Variants in ARID3B observed in about 807,000 individuals in gnomAD.
ARID3B encodes the protein AT-rich interaction domain 3B, also known as AT-rich interactive domain-containing protein 3B.
Under a neutral mutation model 51.9 loss-of-function variants are expected in ARID3B, and 10 were observed. That is an observed-to-expected ratio of 0.19 (90% confidence interval 0.12 to 0.33). ARID3B has a LOEUF of 0.33. Ranked by LOEUF, ARID3B falls within the 10% of genes least tolerant of loss-of-function variation. The pLI is 1.00. For synonymous variants in ARID3B, 205 were observed against 279.5 expected (o/e 0.73, Z 2.66); for missense variants, 483 against 716.3 (o/e 0.67, Z 3.72).
At chr15:74,570,130 A>T (rs1464474335) in intron 2 of ARID3B, among the ~76,000 whole-genome samples, 3 of 152,074 alleles carry the variant, frequency 2.0e-5, no homozygotes. Flanking sequence ...AGTGGGTCAC[A>T]CTTAGTGGGC....
intron 1 of ARID3B, among the ~76,000 whole-genome samples, chr15:74,543,389 T>C (rs1018592350): frequency 9.9e-5 from 15 of 152,230 alleles, no homozygotes; most frequent in African/African-American, 3.4e-4. Context: ...ATCTTTCTCC[T>C]GTGGGCTTGG....
chr15:74,594,234 G>C (rs1305620733), intron 8 of ARID3B, among the ~76,000 whole-genome samples: 4 of 152,170 alleles, frequency 2.6e-5, no homozygotes, highest in Non-Finnish European at 5.9e-5. Context: ...GGATCACGAA[G>C]TCAGGATATC....
At chr15:74,590,380 G>T (rs1369086559) in intron 5 of ARID3B, among the ~76,000 whole-genome samples, 1 of 152,212 alleles carries the variant, frequency 6.6e-6, no homozygotes, top group Non-Finnish European at 1.5e-5. Flanking sequence ...TCTAAGACCT[G>T]TGCCCCTTCC....
intron 4 of ARID3B, among the ~76,000 whole-genome samples, chr15:74,585,639 AT>A (rs766106328): frequency 2.0e-5 from 3 of 152,242 alleles, no homozygotes; most frequent in South Asian, 2.1e-4. Flanking sequence ...AGAACTGAAA[AT>A]CATCTAGTCC....
Position 74,591,901 on chromosome 15 carries a change from A to G in ARID3B, c.1420+87A>G. 1.9e-6 allele frequency: 3 copies of G among 1,546,326 alleles called. No individual in the cohort carries two copies. The highest frequency in any genetic ancestry group is 2.5e-5 in the South Asian group (2 of 80,512). On this transcript the variant is annotated intron_variant, in intron 7 of 8. Coordinates refer to ENST00000346246, the MANE Select transcript of ARID3B (RefSeq NM_006465.4). This position sits in a 1 kb window ranked among gnomAD's most constrained non-coding sequence, Gnocchi z 5.8. ...TGGGACTGGTGGGGCAGGGGTGGTG[A>G]GGCACATACTCCTGACCTGGAAGAG...
chr15:74,591,292 T>G lies in ARID3B; in HGVS notation c.1023T>G (p.Ala341=). 6.2e-7 allele frequency: 1 copy of G among 1,613,562 alleles called. No individual in the cohort carries two copies. The highest frequency in any genetic ancestry group is 2.2e-5 in the East Asian group (1 of 44,882). The stretch of plus-strand genomic sequence containing the variant: ...CCTCCCTCTTTGGCTACTCACCTGC[T>G]GCGGCTACTGCTGCTGCCGCTGCCG... ...YSSSLFGYSP[A]AATAAAAAGA... The change falls in exon 6 of 9, where the codon GCT becomes GCG. Residue 341 remains alanine, a synonymous_variant. Coordinates refer to ENST00000346246, the MANE Select transcript of ARID3B (RefSeq NM_006465.4). The surrounding 1 kb of genome is among the most constrained non-coding windows in gnomAD (Gnocchi z 5.8).
intron 2 of ARID3B, among the ~76,000 whole-genome samples, chr15:74,546,548 TG>T (rs1487729827): frequency 1.3e-5 from 2 of 152,228 alleles, no homozygotes; most frequent in Non-Finnish European, 1.5e-5. Context: ...TGTGCACACG[TG>T]TGCACCGTGG....
At chr15:74,557,203 C>T (rs2061661859) in intron 2 of ARID3B, among the ~76,000 whole-genome samples, 1 of 151,522 alleles carries the variant, frequency 6.6e-6, no homozygotes, top group South Asian at 2.1e-4. Flanking sequence ...TTGCTTGAGC[C>T]CAGGAGATCA....
rs1403640250 is a variant in ARID3B at position 74,573,539 on chromosome 15, G to A, written c.697+335G>A. On this transcript the variant is annotated intron_variant, in intron 4 of 8. Transcript: ENST00000346246. ...CCCTGGACTTCACTTAATCTAGCATGTGGGCCTTCTTGTTGGCATATCTAG... is the reference window on the plus strand; with the variant it reads ...CCCTGGACTTCACTTAATCTAGCATATGGGCCTTCTTGTTGGCATATCTAG... 1.2e-5 allele frequency: 4 copies of A among 326,900 alleles called. No homozygotes were observed. The East Asian group carries it at 2.5e-4, about 21-fold the overall frequency. 20.2% of individuals were successfully genotyped at this position (326,900 alleles called of 1,614,324 possible).
intron 2 of ARID3B, among the ~76,000 whole-genome samples, chr15:74,547,107 C>T (rs2061618601): frequency 6.6e-6 from 1 of 152,036 alleles, no homozygotes; most frequent in Non-Finnish European, 1.5e-5. Context: ...ATATCCCTTG[C>T]TCCAGCAACA....
In ARID3B at chr15:74,595,862, A is replaced by G; in HGVS notation, c.*88A>G. ...GAATTTACCTCATCTCACAGAGCCC[A>G]CGTCGACGAGCACCATTTGGCCAGA... On this transcript the variant is annotated 3_prime_UTR_variant, in exon 9 of 9. Coordinates refer to ENST00000346246, the MANE Select transcript of ARID3B (RefSeq NM_006465.4). 3.6e-6 allele frequency: 5 copies of G among 1,389,434 alleles called. No homozygotes were observed. Among genetic ancestry groups the G allele is most frequent in the Non-Finnish European group, 4.8e-6 (5 of 1,032,864 alleles). 86.1% of individuals were successfully genotyped at this position (1,389,434 alleles called of 1,614,324 possible). A position where few individuals can be genotyped will look rare whatever the true frequency, so the allele number is the denominator to read the frequency against.
intron 2 of ARID3B, among the ~76,000 whole-genome samples, chr15:74,558,968 C>T (rs1311345731): frequency 2.0e-5 from 3 of 152,196 alleles, no homozygotes; most frequent in African/African-American, 7.2e-5. Flanking sequence ...GAGTCCCCTG[C>T]CAGATGGCAC....
In ARID3B at chr15:74,597,902, A is replaced by G; in HGVS notation, c.*2128A>G. The G allele has an allele frequency of 1.9e-6, 1 of 529,660 alleles. No homozygotes were observed. The allele number at this position is 529,660 out of a possible 1,614,324, so 32.8% of individuals were successfully genotyped here. A position where few individuals can be genotyped will look rare whatever the true frequency, so the allele number is the denominator to read the frequency against. ...GCCCCCACGAGTGGGGCCTTGGCCC[A>G]AGCAGAGCTTCCCCTGAAGGTGCCA... On this transcript the variant is annotated 3_prime_UTR_variant, in exon 9 of 9. Coordinates refer to ENST00000346246, the MANE Select transcript of ARID3B (RefSeq NM_006465.4).
intron 2 of ARID3B, among the ~76,000 whole-genome samples, chr15:74,570,621 C>T (rs931669663): frequency 6.6e-6 from 1 of 152,118 alleles, no homozygotes; most frequent in Admixed American, 6.6e-5. Context: ...ATAACAGAAG[C>T]GGCAATGATC....
Position 74,597,748 on chromosome 15 carries a change from T to A in ARID3B, c.*1974T>A, listed in dbSNP as rs1325816532. 13 of 462,918 alleles carry A rather than the reference T, an allele frequency of 2.8e-5. No homozygotes were observed. The highest frequency in any genetic ancestry group is 4.6e-5 in the Non-Finnish European group (11 of 240,414). The allele number at this position is 462,918 out of a possible 1,614,324, so 28.7% of individuals were successfully genotyped here. ...GGATGCAGGGAAAGCACACTGTGTC[T>A]TTCCGGTCATTGGATCCTCTCCCTT... On this transcript the variant is annotated 3_prime_UTR_variant, in exon 9 of 9. Coordinates refer to ENST00000346246, the MANE Select transcript of ARID3B (RefSeq NM_006465.4).
At chr15:74,546,352 C>T (rs1288191016) in intron 2 of ARID3B, among the ~76,000 whole-genome samples, 1 of 152,096 alleles carries the variant, frequency 6.6e-6, no homozygotes, top group Non-Finnish European at 1.5e-5. Flanking sequence ...AGGCCCGAGG[C>T]GGCTGGGCTG....
chr15:74,571,856 C>T (rs1298369688), intron 2 of ARID3B, among the ~76,000 whole-genome samples: 1 of 152,180 alleles, frequency 6.6e-6, no homozygotes, highest in Non-Finnish European at 1.5e-5. Flanking sequence ...GTAATCCCAG[C>T]ACTTTGGGAG....
At position 74,572,885 on chromosome 15, in the gene ARID3B, T is replaced by C; in HGVS notation, c.576T>C (p.Asp192=). 1 of 1,614,206 alleles carries C rather than the reference T, an allele frequency of 6.2e-7. No individual in the cohort carries two copies. ...LKQNGGLAWS[D]DADGGRGREI... ...AGAATGGTGGTTTGGCCTGGAGTGATGATGCAGATGGAGGCCGGGGAAGAG... is the reference window on the plus strand; with the variant it reads ...AGAATGGTGGTTTGGCCTGGAGTGACGATGCAGATGGAGGCCGGGGAAGAG... The change falls in exon 3 of 9, where the codon GAT becomes GAC. Residue 192 remains aspartate (D), a synonymous_variant. Coordinates refer to ENST00000346246, the MANE Select transcript of ARID3B (RefSeq NM_006465.4).
At chr15:74,556,834 G>A (rs1470461274) in intron 2 of ARID3B, among the ~76,000 whole-genome samples, 2 of 147,568 alleles carry the variant, frequency 1.4e-5, no homozygotes, top group Non-Finnish European at 1.5e-5. Flanking sequence ...GAGTGCAGAG[G>A]TGCAATCTCG....
Sources: gnomAD v4.1 joint callset for allele counts (sites outside exome capture counted in the v4.1 genomes callset) on GRCh38, gnomAD v4.1.1 for gene constraint, Gnocchi (gnomAD v3.1) non-coding constraint, MANE v1.5 for transcripts, NCBI Gene and HGNC (gene_info 2026-07-23, HGNC 2026-07-21) for gene names.